Variants in CBLB observed in about 807,000 individuals in gnomAD.
CBLB encodes E3 ubiquitin-protein ligase CBL-B.
Under a neutral mutation model 104.9 loss-of-function variants are expected in CBLB, and 31 were observed. That is an observed-to-expected ratio of 0.30 (90% CI 0.22 to 0.40). The LOEUF is 0.40. CBLB is among the 10% of genes least tolerant of loss of function. The pLI is 1.00. For missense variants in CBLB, 1,062 were observed against 1,214.6 expected, an observed-to-expected ratio of 0.87 and a Z score of 1.87; for synonymous variants, 440 against 422.6, an observed-to-expected ratio of 1.04 and a Z score of -0.51.
intron 17 of CBLB, chr3:105,671,377 T>C (rs1311317025): frequency 4.6e-6 from 1 of 215,266 alleles, no homozygotes; most frequent in Non-Finnish European, 9.4e-6. Context: ...CTTTTCCTAC[T>C]TCTCATGTTT....
chr3:105,768,171 T>C (rs1010995515), intron 4 of CBLB, among the ~76,000 whole-genome samples: 1 of 152,158 alleles, frequency 6.6e-6, no homozygotes, highest in African/African-American at 2.4e-5. Flanking sequence ...ATACTTGTAA[T>C]AAAACCATAA....
rs1272632992 is a variant in CBLB at position 105,868,990 on chromosome 3, G to C, written c.-269C>G. The stretch of plus-strand genomic sequence containing the variant: ...CGGGACGCCGCAGCAGCACTAGCAG[G>C]AGGAGGAGACCGCTCGCTGGACACC... On this transcript the variant is annotated 5_prime_UTR_variant, in exon 1 of 19. Transcript: ENST00000394030. 1.9e-6 allele frequency: 2 copies of C among 1,051,380 alleles called. No individual in the cohort carries two copies. The highest frequency in any genetic ancestry group is 2.3e-6 in the Non-Finnish European group (2 of 871,340). The allele number at this position is 1,051,380 out of a possible 1,614,324, so 65.1% of individuals were successfully genotyped here. A position where few individuals can be genotyped will look rare whatever the true frequency, so the allele number is the denominator to read the frequency against.
intron 4 of CBLB, among the ~76,000 whole-genome samples, chr3:105,754,527 G>A (rs866922758): frequency 4.3e-5 from 1 of 23,400 alleles, no homozygotes. Flanking sequence ...GAGAGACAGA[G>A]AGAGAGAGAG....
intron 13 of CBLB, among the ~76,000 whole-genome samples, chr3:105,687,910 T>G (rs910271702): frequency 7.2e-5 from 11 of 151,810 alleles, no homozygotes; most frequent in African/African-American, 2.2e-4. Flanking sequence ...AATAAAAAAC[T>G]AGAGTCATGT....
intron 3 of CBLB, among the ~76,000 whole-genome samples, chr3:105,840,865 T>A (rs2089437380): frequency 1.3e-5 from 1 of 79,218 alleles, no homozygotes; most frequent in Non-Finnish European, 2.8e-5. Flanking sequence ...AATGAAGTAT[T>A]ACTCAAGAAA....
At chr3:105,716,704 C>G (rs556239937) in intron 10 of CBLB, among the ~76,000 whole-genome samples, 1 of 152,198 alleles carries the variant, frequency 6.6e-6, no homozygotes, top group African/African-American at 2.4e-5. Flanking sequence ...CAAATAATTA[C>G]AAGTGATATA....
intron 13 of CBLB, among the ~76,000 whole-genome samples, chr3:105,687,865 C>A: frequency 6.7e-6 from 1 of 150,244 alleles, no homozygotes; most frequent in Non-Finnish European, 1.5e-5. Flanking sequence ...GAGGATGGTA[C>A]AAATGAGATA....
chr3:105,718,729 A>G (rs2072303065), intron 10 of CBLB, among the ~76,000 whole-genome samples: 1 of 152,206 alleles, frequency 6.6e-6, no homozygotes, highest in African/African-American at 2.4e-5. Flanking sequence ...CAGCGGCGGT[A>G]AGTATCATGA....
intron 3 of CBLB, among the ~76,000 whole-genome samples, chr3:105,820,976 C>T (rs754442034): frequency 6.6e-6 from 1 of 151,890 alleles, no homozygotes; most frequent in Non-Finnish European, 1.5e-5. Flanking sequence ...AAAAAATATA[C>T]CTTTTACCTA....
chr3:105,720,269 C>G lies in CBLB; in HGVS notation c.1204-19G>C. On this transcript the variant is annotated intron_variant, in intron 9 of 18. Transcript: ENST00000394030. ...CCGACTCCTAAACAAATAGAAAATG[C>G]ATGGATTGGTTTTGTTCAAAATAAA... is the stretch of plus-strand genomic sequence containing the variant. 6.3e-7 allele frequency: 1 copy of G among 1,595,110 alleles called. No homozygotes were observed. Among genetic ancestry groups the G allele is most frequent in the South Asian group, 1.1e-5 (1 of 89,722 alleles).
intron 3 of CBLB, among the ~76,000 whole-genome samples, chr3:105,808,037 C>T (rs1209212214): frequency 6.6e-6 from 1 of 152,172 alleles, no homozygotes. Context: ...CCTAAGTTCA[C>T]AGAACTTTTC....
intron 3 of CBLB, among the ~76,000 whole-genome samples, chr3:105,817,301 A>C (rs183584820): frequency 6.6e-6 from 1 of 152,284 alleles, no homozygotes; most frequent in East Asian, 1.9e-4. Flanking sequence ...AGGATGAAAT[A>C]ACACAGTTGC....
intron 5 of CBLB, among the ~76,000 whole-genome samples, chr3:105,749,280 T>C (rs1040316770): frequency 1.3e-5 from 2 of 149,066 alleles, no homozygotes; most frequent in Non-Finnish European, 3.0e-5. Context: ...GCTTCTGTAA[T>C]CATGTTTTTA....
At chr3:105,835,832 A>ATTCCAGTTATTTAGGCT (rs2088395088) in intron 3 of CBLB, among the ~76,000 whole-genome samples, 1 of 152,238 alleles carries the variant, frequency 6.6e-6, no homozygotes, top group Non-Finnish European at 1.5e-5. Flanking sequence ...TGCTACAAGA[A>ATTCCAGTTATTTAGGCT]TTCCAGTTAT....
At position 105,678,705 on chromosome 3, in the gene CBLB, A is replaced by G. The variant is rs1464791400; in HGVS notation, c.2429-134T>C. The G allele has an allele frequency of 3.0e-6, 3 of 985,274 alleles. No homozygotes were observed. In the African/African-American group the frequency reaches 4.8e-5, roughly 16 times the overall value. The allele number at this position is 985,274 out of a possible 1,614,324, so 61.0% of individuals were successfully genotyped here. ...ACTCGCAGGGTTTATCCAGCAGTTC[A>G]CCAACTTTGATAATGGGATCTAATT... is the stretch of plus-strand genomic sequence containing the variant. On this transcript the variant is annotated intron_variant, in intron 16 of 18. Transcript: ENST00000394030.
chr3:105,726,437 ACATAGCTG>A (rs764061840), intron 9 of CBLB, among the ~76,000 whole-genome samples: 17 of 152,220 alleles, frequency 1.1e-4, no homozygotes, highest in African/African-American at 2.4e-5. Flanking sequence ...GTAATTCAAA[ACATAGCTG>A]CATATCCAAC....
chr3:105,745,705 TC>T (rs1246959790), intron 6 of CBLB, among the ~76,000 whole-genome samples: 1 of 152,122 alleles, frequency 6.6e-6, no homozygotes, highest in Non-Finnish European at 1.5e-5. Flanking sequence ...GGAGACCATA[TC>T]CCCTTTCACT....
chr3:105,821,258 C>T (rs1210495421), intron 3 of CBLB, among the ~76,000 whole-genome samples: 1 of 57,174 alleles, frequency 1.7e-5, no homozygotes. Flanking sequence ...ATATCTATAT[C>T]TATATCTATC....
At chr3:105,748,826 C>G (rs749647777) in intron 5 of CBLB, among the ~76,000 whole-genome samples, 5 of 152,100 alleles carry the variant, frequency 3.3e-5, no homozygotes, top group Admixed American at 6.6e-5. Flanking sequence ...CCTGCCCCCC[C>G]ACTGGCTCCT....
Sources: allele counts gnomAD v4.1 joint callset (sites outside exome capture counted in the v4.1 genomes callset), GRCh38; gene constraint gnomAD v4.1.1; transcripts MANE v1.5; gene names NCBI Gene and HGNC (gene_info 2026-07-23, HGNC 2026-07-21).